Variants in GTF2I observed in about 807,000 individuals in gnomAD.
The protein encoded by GTF2I is general transcription factor II-I.
GTF2I carries 12 observed loss-of-function variants against 67.6 expected under a neutral mutation model. The ratio of observed to expected loss-of-function variants is 0.18; its 90% confidence interval spans 0.11 to 0.29. The LOEUF is 0.29. Ranked by LOEUF, GTF2I falls within the 10% of genes least tolerant of loss-of-function variation. The pLI, the probability that GTF2I is intolerant of heterozygous loss-of-function variation, is 1.00. For synonymous variants in GTF2I, 149 were observed against 197.0 expected, an observed-to-expected ratio of 0.76 and a Z score of 2.04; for missense variants, 271 against 580.1, an observed-to-expected ratio of 0.47 and a Z score of 5.47.
At chr7:74,659,235 T>C (rs1804250769) in intron 1 of GTF2I, among the ~76,000 whole-genome samples, 1 of 152,076 alleles carries the variant, frequency 6.6e-6, no homozygotes. Flanking sequence ...ATTTTCTTTT[T>C]TTTTTTTAGA....
Position 74,716,877 on chromosome 7 carries a change from G to T in GTF2I, c.824-17G>T. On this transcript the variant is annotated splice_polypyrimidine_tract_variant and intron_variant, in intron 10 of 34. Coordinates refer to ENST00000573035, the MANE Select transcript of GTF2I (RefSeq NM_032999.4). ...AGTTTTTATTGGTTTATTATATGTT[G>T]TTTATTTTCTTTTTAGGAAGCCACC... 1 of 1,566,374 alleles carries T rather than the reference G, an allele frequency of 6.4e-7. No homozygotes were observed. The highest frequency in any genetic ancestry group is 1.1e-5 in the South Asian group (1 of 89,830).
intron 1 of GTF2I, among the ~76,000 whole-genome samples, chr7:74,680,148 ATG>A (rs199783041): frequency 0.013 from 1,833 of 142,660 alleles, 44 homozygotes; most frequent in African/African-American, 0.039. Flanking sequence ...ACATATATAT[ATG>A]TATGTATATA....
At chr7:74,716,838 C>T in intron 10 of GTF2I, 56 bp from the exon 11 acceptor site, 1 of 1,149,468 alleles carries the variant, frequency 8.7e-7, no homozygotes, top group Non-Finnish European at 1.3e-6. Context: ...GATTCTCTTT[C>T]ATCTTTCAAT....
intron 1 of GTF2I, among the ~76,000 whole-genome samples, chr7:74,672,320 TGCCTGGGCTCAG>T (rs1805532970): frequency 6.6e-6 from 1 of 152,036 alleles, no homozygotes; most frequent in Non-Finnish European, 1.5e-5. Context: ...GTGCAGATAT[TGCCTGGGCTCAG>T]GAGTTTGAGA....
chr7:74,667,483 A>G (rs782705597), intron 1 of GTF2I, among the ~76,000 whole-genome samples: 8 of 152,228 alleles, frequency 5.3e-5, no homozygotes, highest in African/African-American at 1.7e-4. Flanking sequence ...AAATTGTGGT[A>G]ACATATACTT....
rs1180739224 is a variant in GTF2I at position 74,662,859 on chromosome 7, C to T, written c.-6+4791C>T. 8.6e-5 allele frequency among the ~76,000 whole-genome samples: 13 copies of T among 151,930 alleles called. No homozygotes were observed. In the South Asian group the frequency reaches 1.9e-3, roughly 22 times the overall value. ...TGGATTTCTTTCCGGGGAAAATAAC[C>T]GCAGATAGGTGGGAGGAATGGTTTT... On this transcript the variant is annotated intron_variant, in intron 1 of 34. Coordinates refer to ENST00000573035, the MANE Select transcript of GTF2I (RefSeq NM_032999.4).
intron 26 of GTF2I, among the ~76,000 whole-genome samples, chr7:74,750,677 G>A (rs1253470938): frequency 3.6e-5 from 3 of 83,590 alleles, no homozygotes; most frequent in African/African-American, 9.2e-5. Flanking sequence ...GTGTGATATC[G>A]GCTTACTGCA....
At chr7:74,749,948 G>T (rs1168163401) in intron 26 of GTF2I, among the ~76,000 whole-genome samples, 2 of 145,730 alleles carry the variant, frequency 1.4e-5, no homozygotes, top group African/African-American at 5.0e-5. Flanking sequence ...TGGTAGAAGG[G>T]AAGGAGGACT....
intron 1 of GTF2I, among the ~76,000 whole-genome samples, chr7:74,672,309 C>T (rs1011095421): frequency 5.3e-5 from 8 of 151,980 alleles, no homozygotes; most frequent in African/African-American, 2.4e-5. Flanking sequence ...GAGGCTGAGG[C>T]GTGCAGATAT....
chr7:74,723,898 G>T (rs1793436868), intron 12 of GTF2I, among the ~76,000 whole-genome samples: 1 of 151,644 alleles, frequency 6.6e-6, no homozygotes, highest in African/African-American at 2.4e-5. Context: ...ATAGTTTTTT[G>T]ACAGAAAACT....
chr7:74,699,298 GT>G (rs782542877), intron 4 of GTF2I, among the ~76,000 whole-genome samples: 54 of 144,374 alleles, frequency 3.7e-4, no homozygotes, highest in East Asian at 4.0e-4. Context: ...CTTTCTTTCT[GT>G]TTTTTTTTTT....
At chr7:74,698,201 C>T (rs199575750) in intron 3 of GTF2I, among the ~76,000 whole-genome samples, 14 of 151,932 alleles carry the variant, frequency 9.2e-5, no homozygotes, top group Non-Finnish European at 1.9e-4. Flanking sequence ...GTGATCCACC[C>T]GCCTCGGCCT....
chr7:74,658,403 GGCGTGCGGTGGGGGGGCGCCTCGC>G (rs1426554531), intron 1 of GTF2I, among the ~76,000 whole-genome samples: 4 of 145,416 alleles, frequency 2.8e-5, no homozygotes, highest in East Asian at 2.0e-4. Context: ...CGCGCCGACC[GGCGTGCGGTGGGGGGGCGCCTCGC>G]GCGTGCGATC....
rs1309057309 is a variant in GTF2I at position 74,741,039 on chromosome 7, CAT to C, written c.1679-2409_1679-2408del. ...CTCTGTCCACATCAGTGATATTCTA[CAT>C]GTCTTTATAATAGCTTTTTTGTTTG... On this transcript the variant is annotated intron_variant, in intron 19 of 34. Transcript: ENST00000573035. Among the ~76,000 whole-genome samples the C allele has an allele frequency of 4.5e-4, 15 of 33,544 alleles. 7 individuals carry two copies. The highest frequency in any genetic ancestry group is 2.0e-3 in the African/African-American group (15 of 7,392). The allele number at this position is 33,544 out of a possible 152,430, so 22.0% of individuals were successfully genotyped here. A position where few individuals can be genotyped will look rare whatever the true frequency, so the allele number is the denominator to read the frequency against.
At chr7:74,717,132 A>G (rs1792361148) in intron 11 of GTF2I, 182 bp downstream of exon 11, 3 of 666,676 alleles carry the variant, frequency 4.5e-6, no homozygotes, top group South Asian at 6.1e-5. Context: ...TTCTTTGACC[A>G]TACTGATTAA....
Position 74,741,079 on chromosome 7 carries a change from T to G in GTF2I, c.1679-2370T>G. Among the ~76,000 whole-genome samples the G allele has an allele frequency of 5.5e-5, 2 of 36,084 alleles. 1 individual carries two copies. Among genetic ancestry groups the G allele is most frequent in the Non-Finnish European group, 1.0e-4 (2 of 19,552 alleles). 23.7% of individuals were successfully genotyped at this position (36,084 alleles called of 152,430 possible). ...GCTTTTTTGTTTGTTTGTTTGTTTT[T>G]TAAATTTTGATGCTTAAAAGGCAAT... On this transcript the variant is annotated intron_variant, in intron 19 of 34. Transcript: ENST00000573035.
chr7:74,689,347 A>AATT, intron 2 of GTF2I, 120 bp downstream of exon 2: 2 of 298,144 alleles, frequency 6.7e-6, no homozygotes, highest in Non-Finnish European at 1.1e-5. Flanking sequence ...CTTTTTCTTT[A>AATT]CTTTTTTTTT....
intron 3 of GTF2I, among the ~76,000 whole-genome samples, chr7:74,693,729 C>A (rs1401315398): frequency 1.3e-5 from 2 of 152,082 alleles, no homozygotes; most frequent in Non-Finnish European, 2.9e-5. Flanking sequence ...GCTTGTAGTC[C>A]CAGCTATTTG....
intron 1 of GTF2I, among the ~76,000 whole-genome samples, chr7:74,674,397 A>G (rs1483070106): frequency 1.3e-5 from 2 of 152,122 alleles, no homozygotes; most frequent in Non-Finnish European, 2.9e-5. Context: ...AAATAGTTGC[A>G]AGAACAGCAA....
Sources: gnomAD v4.1 joint callset for allele counts (sites outside exome capture counted in the v4.1 genomes callset) on GRCh38, gnomAD v4.1.1 for gene constraint, MANE v1.5 for transcripts, NCBI Gene and HGNC (gene_info 2026-07-23, HGNC 2026-07-21) for gene names.